The following CCM2 variants were observed in gnomAD, a reference collection of about 807,000 sequenced individuals.
CCM2 encodes CCM2 scaffold protein.
In CCM2, 25 loss-of-function variants were observed where a neutral mutation model predicts 44.9. The observed-to-expected ratio is 0.56, with a 90% CI of 0.41 to 0.78. CCM2 has a LOEUF of 0.78. CCM2 is among the 30% of genes least tolerant of loss of function. The pLI, the probability that CCM2 is intolerant of heterozygous loss-of-function variation, is 0.00. For missense variants in CCM2, 481 were observed against 580.6 expected, an observed-to-expected ratio of 0.83 and a Z score of 1.76; for synonymous variants, 219 against 241.1, an observed-to-expected ratio of 0.91 and a Z score of 0.85.
intron 2 of CCM2, among the ~76,000 whole-genome samples, chr7:45,058,061 T>C (rs72597431): frequency 0.13 from 20,156 of 152,270 alleles, 1,640 homozygotes; most frequent in Admixed American, 0.2. Flanking sequence ...GACTGACTCA[T>C]GTCACCGTGT....
At chr7:45,000,672 C>G (rs372529602) in intron 1 of CCM2, among the ~76,000 whole-genome samples, 3 of 152,378 alleles carry the variant, frequency 2.0e-5, no homozygotes, top group African/African-American at 7.2e-5. Context: ...GGCCAGAAAG[C>G]TGTCCAGGGC....
At chr7:45,011,266 A>C (rs1484409279) in intron 1 of CCM2, among the ~76,000 whole-genome samples, 1 of 151,012 alleles carries the variant, frequency 6.6e-6, no homozygotes, top group Non-Finnish European at 1.5e-5. Flanking sequence ...GTGCGATCTC[A>C]GCTCACTGCA....
At chr7:45,067,238 G>T (rs1798825367) in intron 4 of CCM2, among the ~76,000 whole-genome samples, 1 of 148,308 alleles carries the variant, frequency 6.7e-6, no homozygotes, top group African/African-American at 2.5e-5. Context: ...TGTTGCCCAG[G>T]CTAGAGTGCA....
At chr7:45,047,292 A>C (rs556199638) in intron 2 of CCM2, among the ~76,000 whole-genome samples, 1 of 152,370 alleles carries the variant, frequency 6.6e-6, no homozygotes, top group South Asian at 2.1e-4. Flanking sequence ...TATTCATAGT[A>C]GCCCAAAACT....
At chr7:45,051,360 G>C (rs189511538) in intron 2 of CCM2, among the ~76,000 whole-genome samples, 18 of 152,210 alleles carry the variant, frequency 1.2e-4, no homozygotes, top group Non-Finnish European at 2.6e-4. Context: ...GCTCTATCAA[G>C]ATGACAGCTC....
chr7:45,015,606 G>A (rs1247837273), intron 1 of CCM2, among the ~76,000 whole-genome samples: 2 of 152,142 alleles, frequency 1.3e-5, no homozygotes, highest in African/African-American at 2.4e-5. Flanking sequence ...CTGGGCCCTG[G>A]GTATCTCAGT....
chr7:45,029,483 G>A (rs1472276466), intron 1 of CCM2: 1 of 152,178 alleles, frequency 6.6e-6, no homozygotes, highest in Admixed American at 6.5e-5. Context: ...TGAGCTCAAT[G>A]TTTTGCATGG....
chr7:45,000,366 G>A lies in CCM2; in HGVS notation c.30+3G>A. Reference sequence around the variant, plus strand: ...AGGAGGGCAAGAAGGGCAAGAAGGTGAGCGTGCGCGGGGGCGTCCTACTGC... The same window carrying A: ...AGGAGGGCAAGAAGGGCAAGAAGGTAAGCGTGCGCGGGGGCGTCCTACTGC... On this transcript the variant is annotated splice_donor_region_variant and intron_variant, in intron 1 of 9. Transcript: ENST00000258781. 7.7e-7 allele frequency: 1 copy of A among 1,302,306 alleles called. No individual in the cohort carries two copies. Among genetic ancestry groups the A allele is most frequent in the Admixed American group, 3.3e-5 (1 of 29,950 alleles). 80.7% of individuals were successfully genotyped at this position (1,302,306 alleles called of 1,614,324 possible). A position where few individuals can be genotyped will look rare whatever the true frequency, so the allele number is the denominator to read the frequency against.
At chr7:45,069,716 C>T in intron 5 of CCM2, 110 bp from the exon 6 acceptor site, 1 of 1,394,480 alleles carries the variant, frequency 7.2e-7, no homozygotes. Context: ...GGTATCCACT[C>T]TTCATTCATG....
chr7:45,076,363 C>T lies in CCM2; in HGVS notation c.*306C>T, dbSNP rs751475909. ...GGGAGAGCCAGTCCTGTCGGCTGGG[C>T]CCTTGGACGGCTGTCAGTTTTGCAC... On this transcript the variant is annotated 3_prime_UTR_variant, in exon 10 of 10. Transcript: ENST00000258781. The T allele has an allele frequency of 3.8e-5, 21 of 558,720 alleles. No individual in the cohort carries two copies. Among genetic ancestry groups the T allele is most frequent in the Non-Finnish European group, 5.7e-5 (17 of 300,410 alleles). 34.6% of individuals were successfully genotyped at this position (558,720 alleles called of 1,614,324 possible). A position where few individuals can be genotyped will look rare whatever the true frequency, so the allele number is the denominator to read the frequency against.
chr7:45,020,299 G>T (rs942615638), intron 1 of CCM2, among the ~76,000 whole-genome samples: 7 of 151,984 alleles, frequency 4.6e-5, no homozygotes, highest in Non-Finnish European at 8.8e-5. Context: ...TCATAATCTC[G>T]GTCTGTGAGA....
At chr7:45,002,374 G>A (rs1235723496) in intron 1 of CCM2, among the ~76,000 whole-genome samples, 1 of 152,226 alleles carries the variant, frequency 6.6e-6, no homozygotes, top group Non-Finnish European at 1.5e-5. Flanking sequence ...TTCGAGACCA[G>A]CCTGGGCAAC....
chr7:45,014,127 T>C (rs1205657070), intron 1 of CCM2, among the ~76,000 whole-genome samples: 2 of 152,086 alleles, frequency 1.3e-5, no homozygotes, highest in Non-Finnish European at 2.9e-5. Flanking sequence ...TATTTGTATT[T>C]TTATTTATTT....
intron 6 of CCM2, chr7:45,072,173 A>G (rs1799111214): frequency 3.0e-6 from 1 of 335,784 alleles, no homozygotes; most frequent in Non-Finnish European, 5.8e-6. Context: ...ACACGGACCT[A>G]ATGTCATTTG....
At chr7:45,029,892 T>A (rs1455858330) in intron 1 of CCM2, among the ~76,000 whole-genome samples, 1 of 152,246 alleles carries the variant, frequency 6.6e-6, no homozygotes, top group African/African-American at 2.4e-5. Context: ...AGAGTTGTTT[T>A]AAGCTTAAGA....
chr7:45,051,060 T>C (rs1322762097), intron 2 of CCM2, among the ~76,000 whole-genome samples: 1 of 152,116 alleles, frequency 6.6e-6, no homozygotes, highest in Non-Finnish European at 1.5e-5. Context: ...AGTGGGGGGA[T>C]CCTGGGTGAG....
rs761438201 is a variant in CCM2 at position 45,074,277 on chromosome 7, C to T, written c.923C>T (p.Thr308Ile). ...LLQDYMLTLR[T>I]KLSSQEIQQF... The stretch of plus-strand genomic sequence containing the variant: ...GGCTCTGCTCTCTTGCAGCTGCGCA[C>T]CAAGCTGTCATCACAGGAGATCCAG... The change falls in exon 9 of 10, where the codon ACC becomes ATC. Residue 308 changes from threonine to isoleucine, a missense_variant. Physicochemically the swap from Thr to Ile is moderately conservative, Grantham distance 89 (BLOSUM62 -1). Coordinates refer to ENST00000258781, the MANE Select transcript of CCM2 (RefSeq NM_031443.4). 6.2e-7 allele frequency: 1 copy of T among 1,613,492 alleles called. No individual in the cohort carries two copies. The highest frequency in any genetic ancestry group is 8.5e-7 in the Non-Finnish European group (1 of 1,180,032).
chr7:45,076,062 C>T lies in CCM2; in HGVS notation c.*5C>T, dbSNP rs771030259. On this transcript the variant is annotated 3_prime_UTR_variant, in exon 10 of 10. Transcript: ENST00000258781. ...ATGGACCAGGACTCAGCATGATGGA[C>T]AGTGGATGGGGGGGCACCCACACCT... The T allele has an allele frequency of 1.2e-6, 2 of 1,612,974 alleles. No individual in the cohort carries two copies. Among genetic ancestry groups the T allele is most frequent in the Middle Eastern group, 1.6e-4 (1 of 6,062 alleles).
At position 45,069,964 on chromosome 7, in the gene CCM2, A is replaced by T. The variant is rs1562914379; in HGVS notation, c.745+3A>T. The T allele has an allele frequency of 6.2e-7, 1 of 1,613,752 alleles. No homozygotes were observed. Among genetic ancestry groups the T allele is most frequent in the Non-Finnish European group, 8.5e-7 (1 of 1,180,018 alleles). On this transcript the variant is annotated splice_donor_region_variant and intron_variant, in intron 6 of 9. Coordinates refer to ENST00000258781, the MANE Select transcript of CCM2 (RefSeq NM_031443.4). ...CCACCACCTGTCCCTGCACAGCGGT[A>T]TGTTGAGTGAGAGTGGGCAGCGGGT...
Sources: gnomAD v4.1 joint callset for allele counts (sites outside exome capture counted in the v4.1 genomes callset) on GRCh38, gnomAD v4.1.1 for gene constraint, MANE v1.5 for transcripts, NCBI Gene and HGNC (gene_info 2026-07-23, HGNC 2026-07-21) for gene names.